SV2B: variants seen among roughly 807,000 people sequenced by gnomAD.
SV2B encodes the protein synaptic vesicle glycoprotein 2B.
In SV2B, 41 loss-of-function variants were observed where a neutral mutation model predicts 73.9. The ratio of observed to expected loss-of-function variants is 0.56; its 90% CI spans 0.43 to 0.72. The LOEUF is 0.72. Among genes scored for constraint, SV2B ranks in the 30% least tolerant of loss-of-function variants. The pLI is 0.00. For synonymous variants in SV2B, 314 were observed against 314.2 expected (o/e 1.00, Z 0.01); for missense variants, 764 against 857.8 (o/e 0.89, Z 1.37).
intron 1 of SV2B, among the ~76,000 whole-genome samples, chr15:91,169,750 G>A (rs978810905): frequency 2.0e-5 from 3 of 152,200 alleles, no homozygotes; most frequent in Non-Finnish European, 4.4e-5. Flanking sequence ...GTAATGGGTA[G>A]CGGCGGAAGG....
Position 91,261,520 on chromosome 15 carries a change from T to C in SV2B, c.1008+1111T>C, listed in dbSNP as rs1365106000. Among the ~76,000 whole-genome samples, 1 of 152,174 alleles carries C rather than the reference T, an allele frequency of 6.6e-6. No homozygotes were observed. Among genetic ancestry groups the C allele is most frequent in the Non-Finnish European group, 1.5e-5 (1 of 68,018 alleles). On this transcript the variant is annotated intron_variant, in intron 6 of 12. Coordinates refer to ENST00000394232, the MANE Select transcript of SV2B (RefSeq NM_001323032.3). This position sits in a 1 kb window ranked among gnomAD's most constrained non-coding sequence, Gnocchi z 4.7. ...TAAATATTAGTGCAATGAACCTTCT[T>C]GTGCACATAGTTCCTTCCCCTTCAT...
rs8034482 is a variant in SV2B at position 91,229,496 on chromosome 15, C to A, written c.451+2782C>A. 6.6e-6 allele frequency among the ~76,000 whole-genome samples: 1 copy of A among 152,018 alleles called. No homozygotes were observed. The highest frequency in any genetic ancestry group is 1.5e-5 in the Non-Finnish European group (1 of 68,000). ...TAGCTGCAGTGAGATGACGAAGCAA[C>A]GTGGCCCTGGAGCCAGTTGCTTGGA... On this transcript the variant is annotated intron_variant, in intron 2 of 12. Coordinates refer to ENST00000394232, the MANE Select transcript of SV2B (RefSeq NM_001323032.3). The surrounding 1 kb of genome is among the most constrained non-coding windows in gnomAD (Gnocchi z 4.3).
intron 2 of SV2B, among the ~76,000 whole-genome samples, chr15:91,235,124 G>A (rs112606434): frequency 4.0e-4 from 61 of 152,288 alleles, no homozygotes; most frequent in African/African-American, 1.3e-3. Flanking sequence ...ACTGGAGGTG[G>A]GAGAACCCAT....
At chr15:91,237,051 T>C (rs1204576692) in intron 2 of SV2B, among the ~76,000 whole-genome samples, 1 of 152,144 alleles carries the variant, frequency 6.6e-6, no homozygotes, top group Admixed American at 6.5e-5. Context: ...CCTTGAATTC[T>C]ATTTGTTGAG....
At chr15:91,211,435 TCTC>T (rs1215985525) in intron 1 of SV2B, among the ~76,000 whole-genome samples, 2 of 151,862 alleles carry the variant, frequency 1.3e-5, no homozygotes, top group African/African-American at 4.8e-5. Flanking sequence ...CTCTTCTTCT[TCTC>T]CTTCTTCTTC....
chr15:91,155,301 T>C (rs1203822041), intron 1 of SV2B, among the ~76,000 whole-genome samples: 2 of 152,144 alleles, frequency 1.3e-5, no homozygotes, highest in African/African-American at 4.8e-5. Flanking sequence ...CCACTTGTGT[T>C]TCAGGATCCT....
At chr15:91,158,227 CAAT>C in intron 1 of SV2B, among the ~76,000 whole-genome samples, 2 of 152,204 alleles carry the variant, frequency 1.3e-5, no homozygotes, top group East Asian at 3.9e-4. Context: ...GCTGTTGTCT[CAAT>C]AATAAGTTCT....
chr15:91,116,967 C>G (rs1317921059), intron 1 of SV2B, among the ~76,000 whole-genome samples: 1 of 152,022 alleles, frequency 6.6e-6, no homozygotes, highest in Non-Finnish European at 1.5e-5. Flanking sequence ...AAAAACCTGC[C>G]CCCATGATTC....
At chr15:91,278,882 A>G (rs978029196) in intron 9 of SV2B, among the ~76,000 whole-genome samples, 4 of 152,038 alleles carry the variant, frequency 2.6e-5, no homozygotes, top group Admixed American at 2.6e-4. Context: ...ATTTCATTTC[A>G]TGGTGGCTAG....
chr15:91,189,223 T>G (rs2141344501), intron 1 of SV2B, among the ~76,000 whole-genome samples: 1 of 152,298 alleles, frequency 6.6e-6, no homozygotes, highest in African/African-American at 2.4e-5. Context: ...CTGTCATAAT[T>G]GGTCCTTGGA....
rs1242671069 is a variant in SV2B, at chr15:91,261,594, G to T, written c.1008+1185G>T. On this transcript the variant is annotated intron_variant, in intron 6 of 12. Transcript: ENST00000394232. The surrounding 1 kb of genome is among the most constrained non-coding windows in gnomAD (Gnocchi z 4.7). ...GGAGTAGACTCCTAGAAATAAAAGT[G>T]CTGGCTCAGAGAGCTTGGATATTTT... Among the ~76,000 whole-genome samples, 3 of 152,232 alleles carry T rather than the reference G, an allele frequency of 2.0e-5. No individual in the cohort carries two copies. The highest frequency in any genetic ancestry group is 2.0e-4 in the Admixed American group (3 of 15,298).
At chr15:91,149,114 A>C (rs2214075) in intron 1 of SV2B, among the ~76,000 whole-genome samples, 1 of 152,066 alleles carries the variant, frequency 6.6e-6, no homozygotes, top group Non-Finnish European at 1.5e-5. Flanking sequence ...TGAAAAATAT[A>C]GACTGGTCCT....
At chr15:91,166,084 A>C (rs1185113032) in intron 1 of SV2B, among the ~76,000 whole-genome samples, 3 of 152,090 alleles carry the variant, frequency 2.0e-5, no homozygotes, top group Non-Finnish European at 2.9e-5. Context: ...AGTCATTTGA[A>C]TTGTTGTTCC....
At position 91,252,129 on chromosome 15, in the gene SV2B, A is replaced by G. The variant is rs948772859; in HGVS notation, c.632+130A>G. On this transcript the variant is annotated intron_variant, in intron 3 of 12. Coordinates refer to ENST00000394232, the MANE Select transcript of SV2B (RefSeq NM_001323032.3). The surrounding 1 kb of genome is among the most constrained non-coding windows in gnomAD (Gnocchi z 4.6). ...GTTTTTGTTTGACTTTCAGGATACT[A>G]TATTAAAGTTGAACCTTAGAAAGAG... 10 of 1,286,062 alleles carry G rather than the reference A, an allele frequency of 7.8e-6. No homozygotes were observed. The highest frequency in any genetic ancestry group is 2.4e-5 in the East Asian group (1 of 41,442). The allele number at this position is 1,286,062 out of a possible 1,614,324, so 79.7% of individuals were successfully genotyped here.
chr15:91,127,529 C>A (rs912873110), intron 1 of SV2B, among the ~76,000 whole-genome samples: 3 of 152,136 alleles, frequency 2.0e-5, no homozygotes, highest in African/African-American at 7.2e-5. Context: ...GTTTAGAAAG[C>A]AGATTGTCCA....
At chr15:91,235,671 A>G (rs951933097) in intron 2 of SV2B, among the ~76,000 whole-genome samples, 2 of 152,168 alleles carry the variant, frequency 1.3e-5, no homozygotes, top group African/African-American at 2.4e-5. Flanking sequence ...GTCTACTGCT[A>G]TTTTTTGTGC....
At chr15:91,169,568 G>A (rs949765652) in intron 1 of SV2B, among the ~76,000 whole-genome samples, 10 of 152,232 alleles carry the variant, frequency 6.6e-5, no homozygotes, top group Middle Eastern at 6.8e-3. Flanking sequence ...CGCTCGACAA[G>A]TATGTGCACC....
At chr15:91,101,395 G>A (rs1363366596) in intron 1 of SV2B, among the ~76,000 whole-genome samples, 4 of 152,038 alleles carry the variant, frequency 2.6e-5, no homozygotes, top group Admixed American at 2.0e-4. Context: ...GTACAGGCTC[G>A]TTCTGCATCT....
chr15:91,238,098 C>G (rs1034657000), intron 2 of SV2B, among the ~76,000 whole-genome samples: 1 of 152,162 alleles, frequency 6.6e-6, no homozygotes, highest in Non-Finnish European at 1.5e-5. Flanking sequence ...TATTTTCTCC[C>G]ATACAGACTT....
Sources: gnomAD v4.1 joint callset for allele counts (sites outside exome capture counted in the v4.1 genomes callset) on GRCh38, gnomAD v4.1.1 for gene constraint, Gnocchi (gnomAD v3.1) non-coding constraint, MANE v1.5 for transcripts, NCBI Gene and HGNC (gene_info 2026-07-23, HGNC 2026-07-21) for gene names.